The following ROPN1L variants were observed in gnomAD, a reference collection of about 807,000 sequenced individuals.
The protein encoded by ROPN1L is ropporin-1-like protein.
Under a neutral mutation model 22.7 loss-of-function variants are expected in ROPN1L, and 23 were observed. That is an observed-to-expected ratio of 1.01 (90% CI 0.73 to 1.43). The LOEUF is 1.43. Among genes scored for constraint, ROPN1L ranks in the 40% most tolerant of loss-of-function variants. The pLI is 0.00. For synonymous variants in ROPN1L, 116 were observed against 117.8 expected, an observed-to-expected ratio of 0.98 and a Z score of 0.10; for missense variants, 271 against 291.5, an observed-to-expected ratio of 0.93 and a Z score of 0.51.
intron 3 of ROPN1L, among the ~76,000 whole-genome samples, chr5:10,459,549 GAC>G (rs1734970300): frequency 6.6e-6 from 1 of 152,026 alleles, no homozygotes; most frequent in Admixed American, 6.6e-5. Context: ...CCATCCCGCT[GAC>G]CTCATTTCCC....
At chr5:10,478,210 A>G in the ROPN1L span, 1 of 152,218 alleles carries the variant, frequency 6.6e-6, no homozygotes, top group Non-Finnish European at 1.5e-5. Context: ...TCAAGGTGCA[A>G]CCAGAGAAAC....
chr5:10,456,970 A>G (rs1741441347), intron 3 of ROPN1L, among the ~76,000 whole-genome samples: 1 of 152,160 alleles, frequency 6.6e-6, no homozygotes, highest in Non-Finnish European at 1.5e-5. Context: ...GTGGTGACGG[A>G]CTTCCATTTG....
intron 4 of ROPN1L, among the ~76,000 whole-genome samples, chr5:10,464,059 C>T (rs531890699): frequency 1.3e-5 from 2 of 152,342 alleles, no homozygotes; most frequent in South Asian, 4.1e-4. Context: ...GCCAGTGGAG[C>T]CTGCGTTCTG....
intron 3 of ROPN1L, among the ~76,000 whole-genome samples, chr5:10,458,259 C>T (rs1036416711): frequency 1.3e-5 from 2 of 151,954 alleles, no homozygotes; most frequent in Non-Finnish European, 2.9e-5. Context: ...TTTCTTCACT[C>T]ACCAGCAGCC....
At chr5:10,448,008 C>G (rs777967999) in intron 1 of ROPN1L, among the ~76,000 whole-genome samples, 1 of 152,266 alleles carries the variant, frequency 6.6e-6, no homozygotes, top group Admixed American at 6.5e-5. Context: ...TGCGCCAAGC[C>G]CTTCTCACAC....
chr5:10,453,056 C>T (rs1646939846), intron 3 of ROPN1L, among the ~76,000 whole-genome samples: 1 of 152,218 alleles, frequency 6.6e-6, no homozygotes, highest in South Asian at 2.1e-4. Context: ...CTGACTTGAG[C>T]CACCTTTGCC....
At chr5:10,468,982 C>T (rs1214431476), downstream of ROPN1L, among the ~76,000 whole-genome samples, 8 of 151,932 alleles carry the variant, frequency 5.3e-5, no homozygotes, top group East Asian at 1.9e-4. Context: ...GGTGAAACCC[C>T]GTCTCTACTA....
downstream of ROPN1L, among the ~76,000 whole-genome samples, chr5:10,476,647 G>C (rs2936582): frequency 1.3e-4 from 20 of 152,064 alleles, no homozygotes; most frequent in African/African-American, 4.6e-4. Context: ...GAAGGCTTGA[G>C]AATTTTTTTA....
At chr5:10,446,439 G>T (rs1171845970) in intron 1 of ROPN1L, among the ~76,000 whole-genome samples, 3 of 152,102 alleles carry the variant, frequency 2.0e-5, no homozygotes, top group Non-Finnish European at 2.9e-5. Context: ...CGGGTTGATT[G>T]TCTGAGCTCA....
At chr5:10,474,403 G>A (rs1735291914), downstream of ROPN1L, among the ~76,000 whole-genome samples, 1 of 152,184 alleles carries the variant, frequency 6.6e-6, no homozygotes, top group Admixed American at 6.5e-5. Flanking sequence ...AGACTAGAGA[G>A]GGGTTCTCAC....
rs2640706 is a variant in ROPN1L at position 10,442,456 on chromosome 5, A to C, written c.131+158A>C. Reference sequence around the variant, plus strand: ...TTAGCATTGGTGACATCTATACTTGAGTGTTTTATCTAGGAACCATTTCGA... The same window carrying C: ...TTAGCATTGGTGACATCTATACTTGCGTGTTTTATCTAGGAACCATTTCGA... On this transcript the variant is annotated intron_variant, in intron 1 of 4. Transcript: ENST00000274134. Among the ~76,000 whole-genome samples, 10 of 152,330 alleles carry C rather than the reference A, an allele frequency of 6.6e-5. No homozygotes were observed. In the East Asian group the frequency reaches 1.9e-3, roughly 29 times the overall value.
the ROPN1L span, among the ~76,000 whole-genome samples, chr5:10,481,456 T>G: frequency 2.6e-5 from 4 of 152,068 alleles, no homozygotes; most frequent in South Asian, 2.1e-4. Context: ...GAAAACCCAA[T>G]AGAGGAGGTG....
At chr5:10,459,241 C>T (rs538160378) in intron 3 of ROPN1L, among the ~76,000 whole-genome samples, 1 of 151,008 alleles carries the variant, frequency 6.6e-6, no homozygotes, top group African/African-American at 2.5e-5. Context: ...GAGTCCGGCC[C>T]TTCCCAGGCC....
Position 10,442,210 on chromosome 5 carries a change from A to G in ROPN1L, c.43A>G (p.Ile15Val). The G allele has an allele frequency of 1.2e-6, 2 of 1,613,812 alleles. No individual in the cohort carries two copies. The highest frequency in any genetic ancestry group is 1.7e-6 in the Non-Finnish European group (2 of 1,179,882). Reference sequence around the variant, plus strand: ...CATGTTCTGCGCTCAGCAGATCCACATTCCCCCGGAGCTGCCGGACATCCT... The same window carrying G: ...CATGTTCTGCGCTCAGCAGATCCACGTTCCCCCGGAGCTGCCGGACATCCT... The part of the protein sequence containing the change: ...DTMFCAQQIH[I>V]PPELPDILKQ... The change falls in exon 1 of 5, where the codon ATT becomes GTT. Residue 15 changes from isoleucine to valine, a missense_variant. Ile to Val is a conservative substitution (Grantham distance 29). Coordinates refer to ENST00000274134, the MANE Select transcript of ROPN1L (RefSeq NM_031916.5).
downstream of ROPN1L, among the ~76,000 whole-genome samples, chr5:10,472,779 A>C (rs540440912): frequency 4.6e-5 from 7 of 152,280 alleles, no homozygotes; most frequent in African/African-American, 1.7e-4. Flanking sequence ...ACTCTTCATA[A>C]CCATGTTATC....
chr5:10,471,231 A>G (rs1398453441), intron 4 of ROPN1L, among the ~76,000 whole-genome samples: 1 of 152,028 alleles, frequency 6.6e-6, no homozygotes, highest in East Asian at 1.9e-4. Context: ...TCTGTCTCCC[A>G]GGTTCAAGAG....
At chr5:10,464,454 C>G (rs1228701088) in intron 4 of ROPN1L, among the ~76,000 whole-genome samples, 1 of 152,228 alleles carries the variant, frequency 6.6e-6, no homozygotes, top group Non-Finnish European at 1.5e-5. Context: ...CTTTTGTGCT[C>G]TCTGATGCGG....
chr5:10,457,312 G>T (rs111576232), intron 3 of ROPN1L, among the ~76,000 whole-genome samples: 9 of 152,220 alleles, frequency 5.9e-5, no homozygotes, highest in Non-Finnish European at 1.0e-4. Flanking sequence ...CCATCAGGCC[G>T]CTGGGGACAG....
intron 2 of ROPN1L, among the ~76,000 whole-genome samples, chr5:10,449,740 C>A (rs915255661): frequency 6.6e-6 from 1 of 152,100 alleles, no homozygotes; most frequent in Non-Finnish European, 1.5e-5. Context: ...TTCGCTTCAC[C>A]GTCCTTTTTT....
Sources: allele counts gnomAD v4.1 joint callset (sites outside exome capture counted in the v4.1 genomes callset), GRCh38; gene constraint gnomAD v4.1.1; transcripts MANE v1.5; gene names NCBI Gene and HGNC (gene_info 2026-07-23, HGNC 2026-07-21).